CTNNA2: variants seen among roughly 807,000 people sequenced by gnomAD.
CTNNA2 encodes the protein catenin alpha-2.
In CTNNA2, 42 loss-of-function variants were observed where a neutral mutation model predicts 101.0. That is an observed-to-expected ratio of 0.42 (90% CI 0.32 to 0.54). The LOEUF is 0.54. CTNNA2 is among the 20% of genes least tolerant of loss of function. The probability of loss-of-function intolerance (pLI) is 0.14; values close to 1 mark genes in which losing one functional copy is unlikely to be tolerated. For synonymous variants in CTNNA2, 450 were observed against 456.4 expected (o/e 0.99, Z 0.18); for missense variants, 871 against 1,223.1 (o/e 0.71, Z 4.29).
chr2:80,537,160 G>A (rs756586146), intron 9 of CTNNA2, among the ~76,000 whole-genome samples: 1 of 152,028 alleles, frequency 6.6e-6, no homozygotes. Context: ...CCACTTATGA[G>A]TGAGAACATG....
chr2:79,974,414 T>G (rs1411585118), intron 7 of CTNNA2, among the ~76,000 whole-genome samples: 2 of 152,168 alleles, frequency 1.3e-5, no homozygotes, highest in African/African-American at 2.4e-5. Context: ...TCTGTGTTAC[T>G]TAAGACATTG....
chr2:80,466,564 A>G (rs1186232526), intron 9 of CTNNA2, among the ~76,000 whole-genome samples: 3 of 152,328 alleles, frequency 2.0e-5, no homozygotes, highest in East Asian at 3.9e-4. Flanking sequence ...TGCAAAAAAA[A>G]GAAACCTTTT....
intron 7 of CTNNA2, among the ~76,000 whole-genome samples, chr2:80,019,448 TCAAGAAACCAGGAAAG>T (rs1694393794): frequency 6.6e-6 from 1 of 152,180 alleles, no homozygotes; most frequent in African/African-American, 2.4e-5. Flanking sequence ...TCCTACGTAC[TCAAGAAACCAGGAAAG>T]CATACAGCAT....
chr2:80,236,146 CT>C (rs923754424), intron 7 of CTNNA2, among the ~76,000 whole-genome samples: 5 of 152,104 alleles, frequency 3.3e-5, no homozygotes, highest in Admixed American at 6.5e-5. Flanking sequence ...TGATCTTGTT[CT>C]TTTTTATGGC....
intron 3 of CTNNA2, among the ~76,000 whole-genome samples, chr2:79,845,952 G>A (rs1023330679): frequency 1.3e-5 from 2 of 151,654 alleles, no homozygotes; most frequent in African/African-American, 4.8e-5. Flanking sequence ...GGCTATAATC[G>A]CATTTAAGAA....
intron 7 of CTNNA2, chr2:80,301,916 C>CAAA (rs528489978): frequency 2.8e-5 from 4 of 141,206 alleles, no homozygotes; most frequent in Admixed American, 8.3e-5. Flanking sequence ...TTTTAGTTTA[C>CAAA]AAAAAAAAAA....
At chr2:79,940,887 G>A (rs1688111581) in intron 7 of CTNNA2, among the ~76,000 whole-genome samples, 2 of 152,122 alleles carry the variant, frequency 1.3e-5, no homozygotes, top group African/African-American at 4.8e-5. Flanking sequence ...CTCAAAAATC[G>A]ATTTCTACTG....
intron 7 of CTNNA2, among the ~76,000 whole-genome samples, chr2:80,374,667 C>CTGCGTGCG (rs201104527): frequency 6.7e-6 from 1 of 149,088 alleles, no homozygotes; most frequent in Non-Finnish European, 1.5e-5. Context: ...TGTCTTTCCT[C>CTGCGTGCG]TGCGTGCGTG....
At chr2:80,299,001 G>T (rs193265617) in intron 7 of CTNNA2, 11 of 152,106 alleles carry the variant, frequency 7.2e-5, no homozygotes, top group Non-Finnish European at 1.5e-4. Flanking sequence ...CATGTGAAAA[G>T]ACTTTTTTTC....
intron 1 of CTNNA2, chr2:79,197,876 A>C (rs1836213): frequency 0.8 from 121,207 of 152,330 alleles, 49,041 homozygotes; most frequent in African/African-American, 0.93. Context: ...TGGGTTCAGG[A>C]GATTCTCCTG....
intron 3 of CTNNA2, among the ~76,000 whole-genome samples, chr2:79,341,827 AC>A (rs1457718030): frequency 1.3e-5 from 2 of 152,184 alleles, no homozygotes; most frequent in Non-Finnish European, 2.9e-5. Context: ...GACTTGGGAA[AC>A]TGATGCAAAT....
At chr2:80,321,042 T>C (rs749267142) in intron 7 of CTNNA2, among the ~76,000 whole-genome samples, 3 of 152,238 alleles carry the variant, frequency 2.0e-5, no homozygotes, top group Non-Finnish European at 2.9e-5. Flanking sequence ...AATCAAATAT[T>C]TACTAAAGTT....
intron 7 of CTNNA2, among the ~76,000 whole-genome samples, chr2:80,003,201 T>A (rs1042864476): frequency 6.6e-6 from 1 of 152,326 alleles, no homozygotes; most frequent in African/African-American, 2.4e-5. Context: ...TATTGAGGTT[T>A]CCTCTAACCT....
At chr2:80,198,982 A>G (rs1256136458) in intron 7 of CTNNA2, among the ~76,000 whole-genome samples, 2 of 151,958 alleles carry the variant, frequency 1.3e-5, no homozygotes, top group South Asian at 2.1e-4. Flanking sequence ...AGAGTTCAAG[A>G]CCAACCTAGC....
intron 7 of CTNNA2, among the ~76,000 whole-genome samples, chr2:80,064,359 G>A (rs1233459533): frequency 6.6e-6 from 1 of 152,236 alleles, no homozygotes; most frequent in African/African-American, 2.4e-5. Flanking sequence ...TCTGTTAGAG[G>A]TGGTCTGATC....
chr2:80,602,116 T>C (rs1423949097), intron 15 of CTNNA2: 2 of 152,224 alleles, frequency 1.3e-5, no homozygotes, highest in Non-Finnish European at 2.9e-5. Flanking sequence ...TCTAATTTTA[T>C]GAAATATACC....
intron 1 of CTNNA2, among the ~76,000 whole-genome samples, chr2:79,567,231 G>T (rs908012887): frequency 1.3e-5 from 2 of 152,140 alleles, no homozygotes; most frequent in East Asian, 3.9e-4. Flanking sequence ...TGCTGTTGTT[G>T]TTGAAGTTGT....
In CTNNA2 at chr2:80,574,269, G is replaced by A. The variant is rs1360471799; in HGVS notation, c.1848G>A (p.Val616=). The change falls in exon 13 of 19, where the codon GTG becomes GTA. Residue 616 remains valine, a synonymous_variant. Transcript: ENST00000402739. ...AGTTCATCGATGCCTCTCGCCTGGT[G>A]TATGATGGCGTTCGGGACATCAGAA... ...ENEFIDASRL[V]YDGVRDIRKA... 4.3e-6 allele frequency: 7 copies of A among 1,613,592 alleles called. No individual in the cohort carries two copies. In the East Asian group the frequency reaches 1.3e-4, roughly 31 times the overall value.
chr2:80,174,722 T>C (rs541376178), intron 7 of CTNNA2, among the ~76,000 whole-genome samples: 2 of 152,234 alleles, frequency 1.3e-5, no homozygotes, highest in African/African-American at 2.4e-5. Context: ...TGGCAACTTA[T>C]GTTTATGTTA....
Sources: allele counts gnomAD v4.1 joint callset (sites outside exome capture counted in the v4.1 genomes callset), GRCh38; gene constraint gnomAD v4.1.1; transcripts MANE v1.5; gene names NCBI Gene and HGNC (gene_info 2026-07-23, HGNC 2026-07-21).